The following ZNF44 variants were observed in gnomAD, a reference collection of about 807,000 sequenced individuals.
ZNF44 encodes zinc finger protein 44, also known as gonadotropin inducible transcription repressor-2.
ZNF44 carries 9 observed loss-of-function variants against 11.7 expected under a neutral mutation model. The ratio of observed to expected loss-of-function variants is 0.77; its 90% CI spans 0.46 to 1.35. ZNF44 has a LOEUF of 1.35. Among genes scored for constraint, ZNF44 ranks in the 40% most tolerant of loss-of-function variants. The probability of loss-of-function intolerance (pLI) is 0.00; values close to 1 mark genes in which losing one functional copy is unlikely to be tolerated. For synonymous variants in ZNF44, 224 were observed against 242.7 expected (o/e 0.92, Z 0.72); for missense variants, 696 against 743.1 (o/e 0.94, Z 0.74).
exon 8 of ZNF44, chr19:12,248,528 A>C: frequency 5.4e-6 from 7 of 1,290,884 alleles, no homozygotes; most frequent in Non-Finnish European, 7.1e-6. Context: ...GGGATGAATG[A>C]TGGCTCAAGA....
At chr19:12,226,179 C>T (rs192403252) in exon 4 of ZNF44, 56 of 152,236 alleles carry the variant, frequency 3.7e-4, no homozygotes, top group Non-Finnish European at 6.2e-4. Context: ...TTATTTGTTA[C>T]TTAGGTCCTT....
At chr19:12,277,526 C>A (rs1445073506) in intron 1 of ZNF44, among the ~76,000 whole-genome samples, 1 of 151,902 alleles carries the variant, frequency 6.6e-6, no homozygotes, top group Non-Finnish European at 1.5e-5. Flanking sequence ...TTAAAAAAAA[C>A]CTTCTCATCA....
chr19:12,286,659 A>C lies in ZNF44; in HGVS notation c.3+8033T>G, dbSNP rs960648199. Among the ~76,000 whole-genome samples the C allele has an allele frequency of 2.0e-5, 3 of 150,824 alleles. No homozygotes were observed. The South Asian group carries it at 6.3e-4, about 32-fold the overall frequency. On this transcript the variant is annotated intron_variant, in intron 1 of 3. Transcript: ENST00000355684. ...CTCAAAAAAAAGAAAGAAAGAAAAC[A>C]GATCATTGGGGCTGGTTGCAGTGGC...
rs773083819 is a variant in ZNF44 at position 12,276,078 on chromosome 19, G to T, written c.8C>A (p.Ser3Ter). The T allele has an allele frequency of 3.1e-6, 5 of 1,604,396 alleles. No homozygotes were observed. Among genetic ancestry groups the T allele is most frequent in the Non-Finnish European group, 4.3e-6 (5 of 1,173,626 alleles). ...CACAGCCACATCCTCAAAGGCCACT[G>T]AGTCCTGAAACATCCCATATGTCCA... MD[S>*]VAFEDVAVNF... is the part of the protein sequence containing the mutation. The change falls in exon 2 of 4, where the codon TCA (serine) becomes TAA (stop). Residue 3 changes from serine to a stop codon, truncating the protein, a stop_gained. Transcript: ENST00000355684. LOFTEE classifies it high-confidence loss of function.
At chr19:12,279,504 G>A (rs1967376950) in intron 1 of ZNF44, among the ~76,000 whole-genome samples, 1 of 151,392 alleles carries the variant, frequency 6.6e-6, no homozygotes, top group Non-Finnish European at 1.5e-5. Flanking sequence ...AAAAACCCCA[G>A]AGAAATAAAT....
exon 8 of ZNF44, chr19:12,247,858 CAT>C (rs1491323944): frequency 3.1e-6 from 4 of 1,307,494 alleles, no homozygotes; most frequent in South Asian, 1.2e-5. Context: ...AGTTTACATT[CAT>C]AGTGTTTCTG....
intron 2 of ZNF44, among the ~76,000 whole-genome samples, chr19:12,234,228 A>G (rs1916285703): frequency 6.6e-6 from 1 of 152,208 alleles, no homozygotes; most frequent in Admixed American, 6.5e-5. Context: ...TAGCTATTAT[A>G]AAAATAATAA....
downstream of ZNF44, chr19:12,244,440 G>A (rs1218103566): frequency 6.6e-6 from 1 of 152,148 alleles, no homozygotes. Flanking sequence ...CTTAATTTTG[G>A]TCAACAATTT....
chr19:12,273,809 C>G lies in ZNF44; in HGVS notation c.446G>C (p.Gly149Ala), dbSNP rs1376320489. The change falls in exon 4 of 4, where the codon GGC becomes GCC. Residue 149 changes from glycine (G) to alanine (A), a missense_variant. By Grantham distance (60) the Gly-to-Ala change is moderately conservative. Transcript: ENST00000355684. ...TTGAAAGGAGTGGCGATAACTTAAG[C>G]CTTTCCCACACTGCTTATGTGTATA... Reference protein sequence around the residue: ...KSYTHKQCGKGLSYRHSFQTC... With the variant: ...KSYTHKQCGKALSYRHSFQTC... The G allele has an allele frequency of 6.2e-7, 1 of 1,614,064 alleles. No individual in the cohort carries two copies. Among genetic ancestry groups the G allele is most frequent in the Non-Finnish European group, 8.5e-7 (1 of 1,179,984 alleles).
intron 5 of ZNF44, among the ~76,000 whole-genome samples, chr19:12,262,016 A>G: frequency 6.6e-6 from 1 of 152,182 alleles, no homozygotes. Flanking sequence ...AATAATGGGT[A>G]TAAAAGTGTA....
chr19:12,268,137 C>CACACAG (rs1392233553), downstream of ZNF44, among the ~76,000 whole-genome samples: 50 of 126,326 alleles, frequency 4.0e-4, no homozygotes, highest in African/African-American at 1.4e-3. Flanking sequence ...TTCTTACACA[C>CACACAG]ACACACAGAC....
exon 8 of ZNF44, chr19:12,247,670 T>C (rs761121746): frequency 7.4e-7 from 1 of 1,352,916 alleles, no homozygotes; most frequent in Non-Finnish European, 9.8e-7. Context: ...AATAAAAGGC[T>C]TTCCCACATT....
Position 12,272,895 on chromosome 19 carries a change from C to T in ZNF44, c.1360G>A (p.Gly454Arg). The T allele has an allele frequency of 6.2e-7, 1 of 1,614,044 alleles. No homozygotes were observed. The highest frequency in any genetic ancestry group is 8.5e-7 in the Non-Finnish European group (1 of 1,180,004). ...GAAAATAAATCACTAAAAGCTTTTC[C>T]ACATTTACATTTATAGGGTTGCTCT... is the stretch of plus-strand genomic sequence containing the variant. ...TGEQPYKCKCGKAFSDLFSFQ... is the reference protein window; with the variant it reads ...TGEQPYKCKCRKAFSDLFSFQ... The change falls in exon 4 of 4, where the codon GGA becomes AGA. Residue 454 changes from glycine to arginine, a missense_variant. Coordinates refer to ENST00000355684, the MANE Select transcript of ZNF44 (RefSeq NM_016264.4).
chr19:12,275,932 A>C, intron 2 of ZNF44, 24 bp downstream of exon 2: 1 of 1,576,114 alleles, frequency 6.3e-7, no homozygotes. Context: ...AATTGACCAA[A>C]TGAAGACATG....
At chr19:12,248,549 T>TA in exon 8 of ZNF44, 1 of 1,291,108 alleles carries the variant, frequency 7.7e-7, no homozygotes, top group Non-Finnish European at 1.0e-6. Context: ...CTTTTCCACA[T>TA]ACACTGCTTT....
At chr19:12,236,827 G>T (rs540989207) in intron 1 of ZNF44, among the ~76,000 whole-genome samples, 8 of 152,308 alleles carry the variant, frequency 5.3e-5, no homozygotes, top group Non-Finnish European at 1.0e-4. Context: ...CATTGTTTGT[G>T]CTGGGTCTGC....
intron 7 of ZNF44, among the ~76,000 whole-genome samples, chr19:12,249,507 G>GAAAAA (rs958860050): frequency 1.6e-5 from 1 of 60,698 alleles, no homozygotes. Context: ...CTCCGTCTCA[G>GAAAAA]AAAAAAAAAA....
chr19:12,247,148 C>A (rs1344032330), downstream of ZNF44: 3 of 288,904 alleles, frequency 1.0e-5, no homozygotes, highest in Admixed American at 1.6e-4. Context: ...GAGCATTCTA[C>A]CTGAATTAAG....
chr19:12,248,297 G>T, exon 8 of ZNF44: 1 of 1,295,612 alleles, frequency 7.7e-7, no homozygotes, highest in South Asian at 1.2e-5. Flanking sequence ...TATCTCCAGT[G>T]TGAGTCCTTC....
Sources: allele counts gnomAD v4.1 joint callset (sites outside exome capture counted in the v4.1 genomes callset), GRCh38; gene constraint gnomAD v4.1.1; transcripts MANE v1.5; gene names NCBI Gene and HGNC (gene_info 2026-07-23, HGNC 2026-07-21).